Variants in DPY19L4 observed in about 807,000 individuals in gnomAD.
The protein encoded by DPY19L4 is dpy-19 like 4.
DPY19L4 carries 97 observed loss-of-function variants against 102.8 expected under a neutral mutation model. The observed-to-expected ratio is 0.94, with a 90% CI of 0.80 to 1.12. The LOEUF (loss-of-function observed/expected upper bound fraction) is 1.12, where lower values mean the gene tolerates loss of function less well. Among genes scored for constraint, DPY19L4 ranks in the 50% most tolerant of loss-of-function variants. The pLI is 0.00. For missense variants in DPY19L4, 815 were observed against 850.4 expected, an observed-to-expected ratio of 0.96 and a Z score of 0.52; for synonymous variants, 252 against 283.1, an observed-to-expected ratio of 0.89 and a Z score of 1.10.
intron 1 of DPY19L4, among the ~76,000 whole-genome samples, chr8:94,723,516 C>T (rs11989790): frequency 0.028 from 4,280 of 151,852 alleles, 190 homozygotes; most frequent in African/African-American, 0.096. Flanking sequence ...TGAATTACAT[C>T]GCAGAGCTTT....
chr8:94,753,572 G>A (rs1812035952), intron 6 of DPY19L4, among the ~76,000 whole-genome samples: 1 of 152,142 alleles, frequency 6.6e-6, no homozygotes, highest in African/African-American at 2.4e-5. Context: ...CACAGAGAGG[G>A]CTGCAGATGA....
chr8:94,725,719 T>G (rs1034796424), intron 1 of DPY19L4, among the ~76,000 whole-genome samples: 1 of 152,136 alleles, frequency 6.6e-6, no homozygotes, highest in Non-Finnish European at 1.5e-5. Context: ...CACTGCAAGC[T>G]CCGCCTTCTG....
In DPY19L4 at chr8:94,739,508, A is replaced by G. The variant is rs563627896; in HGVS notation, c.439A>G (p.Ile147Val). The change falls in exon 5 of 19, where the codon ATT becomes GTT. Residue 147 changes from isoleucine to valine, a missense_variant. Ile to Val is a conservative substitution (Grantham distance 29, BLOSUM62 3). Coordinates refer to ENST00000414645, the MANE Select transcript of DPY19L4 (RefSeq NM_181787.3). ...TCTGTATCCGGAACTTATTGCTAGC[A>G]TTTTATATCAAGCCACTGGTAGCAA... is the stretch of plus-strand genomic sequence containing the variant. ...MSLYPELIAS[I>V]LYQATGSNEI... is the part of the protein sequence containing the mutation. 1.2e-6 allele frequency: 2 copies of G among 1,606,892 alleles called. No homozygotes were observed. Among genetic ancestry groups the G allele is most frequent in the African/African-American group, 2.7e-5 (2 of 74,562 alleles).
intron 6 of DPY19L4, among the ~76,000 whole-genome samples, chr8:94,741,329 C>G (rs181707958): frequency 2.6e-5 from 4 of 151,734 alleles, no homozygotes; most frequent in African/African-American, 7.3e-5. Flanking sequence ...AAGCATTTAC[C>G]TAACAGTTGT....
rs1353280753 is a variant in DPY19L4 at position 94,756,125 on chromosome 8, G to C, written c.701G>C (p.Gly234Ala). 6.2e-7 allele frequency: 1 copy of C among 1,613,684 alleles called. No homozygotes were observed. The highest frequency in any genetic ancestry group is 1.1e-5 in the South Asian group (1 of 91,042). The change falls in exon 7 of 19, where the codon GGC (glycine) becomes GCC (alanine). Residue 234 changes from glycine to alanine, a missense_variant. Coordinates refer to ENST00000414645, the MANE Select transcript of DPY19L4 (RefSeq NM_181787.3). ...YFACQIAALTGYLKSNLNTYG... is the reference protein window; with the variant it reads ...YFACQIAALTAYLKSNLNTYG... ...GCATGCCAAATTGCTGCACTTACAG[G>C]CTATTTAAAAAGCAACTTAAATACT...
rs770079761 is a variant in DPY19L4 at position 94,777,722 on chromosome 8, C to A, written c.1511C>A (p.Ser504Tyr). The A allele has an allele frequency of 1.9e-6, 3 of 1,614,042 alleles. No homozygotes were observed. The South Asian group carries it at 3.3e-5, about 18-fold the overall frequency. Residue 504 changes from serine (S) to tyrosine (Y), a missense_variant, in exon 14 of 19, where the codon TCT becomes TAT. Physicochemically the swap from Ser to Tyr is moderately radical, Grantham distance 144 (BLOSUM62 -2). Coordinates refer to ENST00000414645, the MANE Select transcript of DPY19L4 (RefSeq NM_181787.3). The stretch of plus-strand genomic sequence containing the variant: ...ATGTTAGCAGCATTTGGTGTATGTT[C>A]TCCCGAACTTTGGATGACACTTTTC... ...VCMLAAFGVCSPELWMTLFKW... is the reference protein window; with the variant it reads ...VCMLAAFGVCYPELWMTLFKW...
chr8:94,770,881 C>A (rs554252605), intron 13 of DPY19L4, among the ~76,000 whole-genome samples: 2 of 150,776 alleles, frequency 1.3e-5, no homozygotes, highest in Admixed American at 6.6e-5. Flanking sequence ...CAGAACAAGA[C>A]CCCGTCAAAA....
At position 94,789,897 on chromosome 8, in the gene DPY19L4, C is replaced by T. The variant is rs140198354; in HGVS notation, c.2159C>T (p.Ser720Phe). 1.3e-6 allele frequency: 2 copies of T among 1,593,832 alleles called. No individual in the cohort carries two copies. The highest frequency in any genetic ancestry group is 1.7e-6 in the Non-Finnish European group (2 of 1,174,308). The change falls in exon 19 of 19, where the codon TCC becomes TTC. Residue 720 changes from serine (S) to phenylalanine (F), a missense_variant. Transcript: ENST00000414645. ...YFVYKINTVI[S>F]FQS is the part of the protein sequence containing the mutation. ...GTATATAAAATCAACACTGTGATAT[C>T]CTTCCAGTCTTGAAAAATAACAGAG... is the stretch of plus-strand genomic sequence containing the variant.
chr8:94,787,023 G>A (rs1433909761), intron 17 of DPY19L4, among the ~76,000 whole-genome samples: 6 of 152,098 alleles, frequency 3.9e-5, no homozygotes, highest in East Asian at 1.9e-4. Context: ...GGGGTTCTAC[G>A]AGCATCTTGT....
chr8:94,777,219 A>G (rs1331857811), intron 13 of DPY19L4, among the ~76,000 whole-genome samples: 1 of 151,964 alleles, frequency 6.6e-6, no homozygotes, highest in Non-Finnish European at 1.5e-5. Context: ...GGCATGTGTC[A>G]CCATGCCTGG....
Position 94,739,839 on chromosome 8 carries a change from T to C in DPY19L4, c.611+49T>C, listed in dbSNP as rs759215062. On this transcript the variant is annotated intron_variant, in intron 6 of 18. Coordinates refer to ENST00000414645, the MANE Select transcript of DPY19L4 (RefSeq NM_181787.3). ...TTTTAAAAACTTTTTGTGGCTGTAG[T>C]AGTCAGAGTTCTGAAAATGCCTCCC... is the stretch of plus-strand genomic sequence containing the variant. The C allele has an allele frequency of 1.9e-6, 3 of 1,594,600 alleles. No individual in the cohort carries two copies. The Admixed American group carries it at 5.1e-5, about 27-fold the overall frequency.
chr8:94,759,500 CTTTTTTTTTTTTT>C (rs1161705507), intron 7 of DPY19L4, among the ~76,000 whole-genome samples: 4 of 67,564 alleles, frequency 5.9e-5, no homozygotes, highest in African/African-American at 2.2e-4. Context: ...TCTACATGTT[CTTTTTTTTTTTTT>C]TTTTTTTTTT....
At chr8:94,739,035 C>T (rs1034577023) in intron 4 of DPY19L4, among the ~76,000 whole-genome samples, 1 of 152,070 alleles carries the variant, frequency 6.6e-6, no homozygotes, top group Non-Finnish European at 1.5e-5. Flanking sequence ...CAACTCTCAG[C>T]TTTTTGAAAA....
chr8:94,762,467 G>C (rs1292402028), intron 8 of DPY19L4, among the ~76,000 whole-genome samples: 1 of 152,192 alleles, frequency 6.6e-6, no homozygotes, highest in Non-Finnish European at 1.5e-5. Context: ...GCTTCATAGG[G>C]AACCAACAGG....
chr8:94,723,167 A>C (rs1810542866), intron 1 of DPY19L4, among the ~76,000 whole-genome samples: 1 of 152,192 alleles, frequency 6.6e-6, no homozygotes, highest in South Asian at 2.1e-4. Context: ...ACAATGCTAA[A>C]AATATCAGAT....
intron 2 of DPY19L4, among the ~76,000 whole-genome samples, chr8:94,728,855 C>T (rs1431662824): frequency 1.3e-5 from 2 of 152,162 alleles, no homozygotes; most frequent in Non-Finnish European, 2.9e-5. Context: ...AATAGAGAAT[C>T]CCAAAATTCT....
intron 7 of DPY19L4, among the ~76,000 whole-genome samples, chr8:94,759,802 C>G (rs550130280): frequency 6.6e-6 from 1 of 152,284 alleles, no homozygotes; most frequent in African/African-American, 2.4e-5. Context: ...TGTGCCCGGC[C>G]CATGTACTTT....
At chr8:94,775,391 T>G (rs1355400841) in intron 13 of DPY19L4, among the ~76,000 whole-genome samples, 1 of 151,966 alleles carries the variant, frequency 6.6e-6, no homozygotes, top group African/African-American at 2.4e-5. Flanking sequence ...AGGCTGGTCT[T>G]AAACTCCTGA....
intron 6 of DPY19L4, among the ~76,000 whole-genome samples, chr8:94,754,355 G>A (rs1252044003): frequency 3.9e-5 from 6 of 152,130 alleles, no homozygotes; most frequent in East Asian, 1.9e-4. Flanking sequence ...CTGTGATAAC[G>A]TGCCGAGCCT....
Sources: gnomAD v4.1 joint callset for allele counts (sites outside exome capture counted in the v4.1 genomes callset) on GRCh38, gnomAD v4.1.1 for gene constraint, MANE v1.5 for transcripts, NCBI Gene and HGNC (gene_info 2026-07-23, HGNC 2026-07-21) for gene names.